The following AZIN2 variants were observed in gnomAD, a reference collection of about 807,000 sequenced individuals.
The protein encoded by AZIN2 is antizyme inhibitor 2.
AZIN2 carries 28 observed loss-of-function variants against 47.8 expected under a neutral mutation model. The observed-to-expected ratio is 0.59, with a 90% CI of 0.43 to 0.80. The LOEUF (loss-of-function observed/expected upper bound fraction) is 0.80. AZIN2 is among the 30% of genes least tolerant of loss of function. AZIN2 has a pLI of 0.00. For missense variants in AZIN2, 535 were observed against 582.5 expected, an observed-to-expected ratio of 0.92 and a Z score of 0.84; for synonymous variants, 221 against 239.4, an observed-to-expected ratio of 0.92 and a Z score of 0.71.
chr1:33,130,281 G>C, the AZIN2 span, among the ~76,000 whole-genome samples: 2 of 152,168 alleles, frequency 1.3e-5, no homozygotes, highest in South Asian at 4.1e-4. Context: ...TCCTCCCGTT[G>C]AGTATGGATG....
At chr1:33,132,997 G>T in the AZIN2 span, among the ~76,000 whole-genome samples, 1 of 152,250 alleles carries the variant, frequency 6.6e-6, no homozygotes, top group Non-Finnish European at 1.5e-5. Flanking sequence ...CCTCAGCTGG[G>T]GTGAAACCAG....
chr1:33,125,390 A>AC (rs914060740), downstream of AZIN2, among the ~76,000 whole-genome samples: 2 of 151,958 alleles, frequency 1.3e-5, no homozygotes, highest in African/African-American at 2.4e-5. Flanking sequence ...ATTGCCTGAG[A>AC]CCCCTGCCCA....
chr1:33,086,694 A>G (rs986229679), intron 5 of AZIN2, among the ~76,000 whole-genome samples: 3 of 152,350 alleles, frequency 2.0e-5, no homozygotes, highest in South Asian at 2.1e-4. Flanking sequence ...TGGTCTACCC[A>G]GCCACCTGCC....
At position 33,103,493 on chromosome 1, in the gene AZIN2, G is replaced by C. The variant is rs148546297; in HGVS notation, c.1029+5314G>C. ...TCTCAGCTCAGATGTCACCTTGTCA[G>C]GGAGGCCTTTCCTGACTGCCCTCTC... On this transcript the variant is annotated intron_variant, in intron 10 of 11. Coordinates refer to ENST00000294517, the MANE Select transcript of AZIN2 (RefSeq NM_052998.4). Among the ~76,000 whole-genome samples, 4 of 152,286 alleles carry C rather than the reference G, an allele frequency of 2.6e-5. No homozygotes were observed. In the East Asian group the frequency reaches 7.7e-4, roughly 29 times the overall value.
chr1:33,099,583 A>G (rs935727556), intron 10 of AZIN2, among the ~76,000 whole-genome samples: 1 of 151,930 alleles, frequency 6.6e-6, no homozygotes, highest in African/African-American at 2.4e-5. Context: ...CACTCCCTTC[A>G]TTGGCTCCTC....
intron 10 of AZIN2, among the ~76,000 whole-genome samples, chr1:33,101,157 C>T (rs543060307): frequency 6.6e-5 from 10 of 151,942 alleles, no homozygotes; most frequent in Admixed American, 3.3e-4. Flanking sequence ...CCACTGGGCC[C>T]GGCACCATGT....
At chr1:33,149,463 A>C in the AZIN2 span, among the ~76,000 whole-genome samples, 1 of 150,896 alleles carries the variant, frequency 6.6e-6, no homozygotes, top group Non-Finnish European at 1.5e-5. Flanking sequence ...TCTTTTAAAA[A>C]AAAAAAATAC....
intron 10 of AZIN2, among the ~76,000 whole-genome samples, chr1:33,116,502 C>A (rs1018104971): frequency 6.6e-6 from 1 of 152,062 alleles, no homozygotes; most frequent in African/African-American, 2.4e-5. Flanking sequence ...CTTTCTCTTT[C>A]TCATCACTCA....
chr1:33,165,439 CG>C, the AZIN2 span: 2 of 1,544,474 alleles, frequency 1.3e-6, no homozygotes, highest in Admixed American at 3.9e-5. This position sits in a 1 kb window ranked among gnomAD's most constrained non-coding sequence, Gnocchi z 4.0. Flanking sequence ...TCATCTCTGC[CG>C]GCCCCACCTC....
chr1:33,140,501 T>C, the AZIN2 span, among the ~76,000 whole-genome samples: 2 of 152,170 alleles, frequency 1.3e-5, no homozygotes, highest in African/African-American at 4.8e-5. This position sits in a 1 kb window ranked among gnomAD's most constrained non-coding sequence, Gnocchi z 4.0. Flanking sequence ...GCACAGGGGC[T>C]CAGCCTGCAG....
intron 9 of AZIN2, 75 bp from the exon 10 acceptor site, chr1:33,097,992 C>G: frequency 9.2e-7 from 1 of 1,084,870 alleles, no homozygotes; most frequent in Non-Finnish European, 1.4e-6. Context: ...CTTACTGAGC[C>G]CACTGTTGTG....
At chr1:33,158,320 C>T in the AZIN2 span, 13 of 1,613,980 alleles carry the variant, frequency 8.1e-6, no homozygotes, top group African/African-American at 8.0e-5. Flanking sequence ...ACTTGGAGGT[C>T]GGGAAGTCTT....
chr1:33,158,149 C>G, the AZIN2 span: 4 of 1,020,864 alleles, frequency 3.9e-6, no homozygotes, highest in Non-Finnish European at 6.0e-6. Flanking sequence ...GCAAGGCACT[C>G]TGCTCATTCA....
intron 10 of AZIN2, among the ~76,000 whole-genome samples, chr1:33,106,374 C>T (rs1644008341): frequency 1.3e-5 from 2 of 152,160 alleles, no homozygotes; most frequent in Non-Finnish European, 2.9e-5. Context: ...TTCTGAAATG[C>T]TTCCACAAAA....
At chr1:33,089,398 A>G (rs1341145864) in intron 5 of AZIN2, among the ~76,000 whole-genome samples, 1 of 152,134 alleles carries the variant, frequency 6.6e-6, no homozygotes, top group Non-Finnish European at 1.5e-5. Flanking sequence ...AGGAGTTCGA[A>G]ACCAGCCTGG....
At chr1:33,142,712 G>T in the AZIN2 span, 3 of 152,220 alleles carry the variant, frequency 2.0e-5, no homozygotes, top group African/African-American at 7.2e-5. Context: ...TTAAATCCCA[G>T]GGAGATCACA....
intron 5 of AZIN2, among the ~76,000 whole-genome samples, chr1:33,084,889 C>T (rs1282506529): frequency 1.3e-5 from 2 of 152,144 alleles, no homozygotes; most frequent in Non-Finnish European, 2.9e-5. Context: ...CGTGAGCCAC[C>T]GCGCATAGCC....
At position 33,096,745 on chromosome 1, in the gene AZIN2, C is replaced by T. The variant is rs371230608; in HGVS notation, c.792C>T (p.Phe264=). The T allele has an allele frequency of 2.4e-5, 39 of 1,614,134 alleles. No individual in the cohort carries two copies. Among genetic ancestry groups the T allele is most frequent in the Admixed American group, 5.0e-5 (3 of 60,010 alleles). The change falls in exon 9 of 12, where the codon TTC becomes TTT. Residue 264 remains phenylalanine (F), a synonymous_variant. Transcript: ENST00000294517. The part of the protein sequence containing the change: ...SVINSALDLY[F]PEGCGVDIFA... Reference sequence around the variant, plus strand: ...TCAACTCAGCCTTGGACCTGTACTTCCCAGAGGGCTGTGGCGTGGACATCT... The same window carrying T: ...TCAACTCAGCCTTGGACCTGTACTTTCCAGAGGGCTGTGGCGTGGACATCT...
intron 8 of AZIN2, 97 bp downstream of exon 8, chr1:33,094,810 T>A: frequency 1.6e-5 from 21 of 1,280,556 alleles, no homozygotes; most frequent in Middle Eastern, 2.0e-4. Context: ...GTGGGTCCTA[T>A]GCACTGCATG....
Sources: gnomAD v4.1 joint callset for allele counts (sites outside exome capture counted in the v4.1 genomes callset) on GRCh38, gnomAD v4.1.1 for gene constraint, Gnocchi (gnomAD v3.1) non-coding constraint, MANE v1.5 for transcripts, NCBI Gene and HGNC (gene_info 2026-07-23, HGNC 2026-07-21) for gene names.